Variants in GSDMD observed in about 807,000 individuals in gnomAD.
GSDMD encodes gasdermin-D.
GSDMD carries 46 observed loss-of-function variants against 46.7 expected under a neutral mutation model. That is an observed-to-expected ratio of 0.99 (90% CI 0.78 to 1.26). The LOEUF (loss-of-function observed/expected upper bound fraction) is 1.26, where lower values mean the gene tolerates loss of function less well. GSDMD is among the 50% of genes most tolerant of loss of function. The pLI is 0.00. For synonymous variants in GSDMD, 307 were observed against 283.1 expected (o/e 1.08, Z -0.85); for missense variants, 649 against 638.8 (o/e 1.02, Z -0.17).
In GSDMD at chr8:143,558,442, G is replaced by T; in HGVS notation, c.-14G>T. The T allele has an allele frequency of 1.3e-6, 2 of 1,502,772 alleles. No individual in the cohort carries two copies. The highest frequency in any genetic ancestry group is 1.8e-6 in the Non-Finnish European group (2 of 1,132,412). The allele number at this position is 1,502,772 out of a possible 1,614,324, so 93.1% of individuals were successfully genotyped here. ...CCAGACGCGCCACCCTCGGGGCGCC[G>T]ACGGTCACGGTGAGCTGCGCCCCGC... On this transcript the variant is annotated 5_prime_UTR_variant, in exon 1 of 11. Coordinates refer to ENST00000262580, the MANE Select transcript of GSDMD (RefSeq NM_024736.7).
intron 4 of GSDMD, 94 bp from the exon 5 acceptor site, chr8:143,560,908 A>G: frequency 9.0e-6 from 13 of 1,448,418 alleles, no homozygotes; most frequent in Non-Finnish European, 1.2e-5. Context: ...AGCCGAAGTC[A>G]CCTGGCGGCG....
Position 143,562,874 on chromosome 8 carries a change from G to C in GSDMD, c.1425G>C (p.Leu475=). 1 of 1,612,318 alleles carries C rather than the reference G, an allele frequency of 6.2e-7. No homozygotes were observed. The highest frequency in any genetic ancestry group is 1.1e-5 in the South Asian group (1 of 91,056). The change falls in exon 11 of 11, where the codon CTG becomes CTC. Residue 475 remains leucine (L), a synonymous_variant. Coordinates refer to ENST00000262580, the MANE Select transcript of GSDMD (RefSeq NM_024736.7). The part of the protein sequence containing the change: ...RMCALYASLA[L]LSGLSQEPH The stretch of plus-strand genomic sequence containing the variant: ...GTGCACTCTACGCCTCCCTGGCACT[G>C]CTATCAGGACTGAGCCAGGAGCCCC...
chr8:143,562,955 C>G lies in GSDMD; in HGVS notation c.*51C>G, dbSNP rs1586999744. 6.2e-7 allele frequency: 1 copy of G among 1,606,490 alleles called. No homozygotes were observed. Among genetic ancestry groups the G allele is most frequent in the East Asian group, 2.2e-5 (1 of 44,710 alleles). On this transcript the variant is annotated 3_prime_UTR_variant, in exon 11 of 11. Coordinates refer to ENST00000262580, the MANE Select transcript of GSDMD (RefSeq NM_024736.7). ...CTCTCCAGCAGGGCAGAGTGTTTGC[C>G]CACCAGCTGCTAGCCCTAGGAAGGC...
In GSDMD at chr8:143,559,727, G is replaced by C. The variant is rs182970160; in HGVS notation, c.218-50G>C. ...GGGCTGGGACAGGGCTGGTGGGGGCGGGGGAGAGGCGGGGCGCTGGGCACA... is the reference window on the plus strand; with the variant it reads ...GGGCTGGGACAGGGCTGGTGGGGGCCGGGGAGAGGCGGGGCGCTGGGCACA... On this transcript the variant is annotated intron_variant, in intron 2 of 10. Coordinates refer to ENST00000262580, the MANE Select transcript of GSDMD (RefSeq NM_024736.7). The C allele has an allele frequency of 1.3e-3, 2,001 of 1,538,864 alleles. 19 individuals carry two copies. The African/African-American group carries it at 0.024, about 18-fold the overall frequency.
chr8:143,561,952 C>A lies in GSDMD; in HGVS notation c.824-7C>A, dbSNP rs112854184. 230 of 1,607,858 alleles carry A rather than the reference C, an allele frequency of 1.4e-4. 2 individuals carry two copies. In the Middle Eastern group the frequency reaches 2.5e-3, roughly 17 times the overall value. ...CCTGGGCAGTGCCAGCCCTTCTGTCCCTACAGATGGGGTCCCTGCGGAGGG... is the reference window on the plus strand; with the variant it reads ...CCTGGGCAGTGCCAGCCCTTCTGTCACTACAGATGGGGTCCCTGCGGAGGG... On this transcript the variant is annotated splice_region_variant and splice_polypyrimidine_tract_variant and intron_variant, in intron 7 of 10. Coordinates refer to ENST00000262580, the MANE Select transcript of GSDMD (RefSeq NM_024736.7).
rs1287443213 is a variant in GSDMD, at chr8:143,562,143, AG to A, written c.996+15del. 1.3e-6 allele frequency: 2 copies of A among 1,597,820 alleles called. No individual in the cohort carries two copies. Among genetic ancestry groups the A allele is most frequent in the Non-Finnish European group, 1.7e-6 (2 of 1,179,178 alleles). Reference sequence around the variant, plus strand: ...CCTTGGAGGAGGCGGTGAGCGGGGGAGGGTGCCCGGGGCACACAAGGCCTGC... The same window carrying A: ...CCTTGGAGGAGGCGGTGAGCGGGGGAGGTGCCCGGGGCACACAAGGCCTGC... On this transcript the variant is annotated intron_variant, in intron 8 of 10. Transcript: ENST00000262580.
rs1420042165 is a variant in GSDMD, at chr8:143,562,773, C to G, written c.1324C>G (p.Leu442Val). ...CGAAGGAGCACCGGCCTGGGTCTTG[C>G]TGGACGAGTGTGGCCTAGAGCTGGG... ...WGEGAPAWVL[L>V]DECGLELGED... The change falls in exon 11 of 11, where the codon CTG becomes GTG. Residue 442 changes from leucine (L) to valine (V), a missense_variant. Coordinates refer to ENST00000262580, the MANE Select transcript of GSDMD (RefSeq NM_024736.7). 1 of 1,591,202 alleles carries G rather than the reference C, an allele frequency of 6.3e-7. No individual in the cohort carries two copies. The highest frequency in any genetic ancestry group is 1.3e-5 in the African/African-American group (1 of 74,288).
In GSDMD at chr8:143,559,417, C is replaced by A. The variant is rs145248129; in HGVS notation, c.82C>A (p.Leu28Met). 1 of 1,612,844 alleles carries A rather than the reference C, an allele frequency of 6.2e-7. No homozygotes were observed. The highest frequency in any genetic ancestry group is 1.3e-5 in the African/African-American group (1 of 74,942). ...HGGEFIPVTS[L>M]QSSTGFQPYC... ...TGGGGAGTTCATCCCTGTGACCAGC[C>A]TGCAGAGCTCCACTGGCTTCCAGCC... is the stretch of plus-strand genomic sequence containing the variant. Residue 28 changes from leucine (L) to methionine (M), a missense_variant, in exon 2 of 11, where the codon CTG (leucine) becomes ATG (methionine). Transcript: ENST00000262580.
Position 143,561,797 on chromosome 8 carries a change from C to T in GSDMD, c.792C>T (p.Ser264=), listed in dbSNP as rs371373414. 152 of 1,610,796 alleles carry T rather than the reference C, an allele frequency of 9.4e-5. No homozygotes were observed. In the Admixed American group the frequency reaches 2.5e-3, roughly 26 times the overall value. The part of the protein sequence containing the change: ...GAWPQLPSGL[S]MMRCLHNFLT... ...GGCCACAGCTGCCCTCTGGCCTCTCCATGATGAGGTGCCTCCACAACTTCC... is the reference window on the plus strand; with the variant it reads ...GGCCACAGCTGCCCTCTGGCCTCTCTATGATGAGGTGCCTCCACAACTTCC... Residue 264 remains serine (S), a synonymous_variant, in exon 7 of 11, where the codon TCC becomes TCT. Coordinates refer to ENST00000262580, the MANE Select transcript of GSDMD (RefSeq NM_024736.7).
At chr8:143,560,216 A>C in intron 3 of GSDMD, 1 of 693,548 alleles carries the variant, frequency 1.4e-6, no homozygotes, top group Non-Finnish European at 2.6e-6. Flanking sequence ...GGGCATCAGG[A>C]AAGTCCCAGA....
In GSDMD at chr8:143,561,441, C is replaced by G. The variant is rs1303856771; in HGVS notation, c.736+18C>G. Reference sequence around the variant, plus strand: ...CGCGACAGGTGAGAGCCGAGAGCCCCCAGCATGGGGTGTCCGGTGGGAAAA... The same window carrying G: ...CGCGACAGGTGAGAGCCGAGAGCCCGCAGCATGGGGTGTCCGGTGGGAAAA... On this transcript the variant is annotated intron_variant, in intron 6 of 10. Transcript: ENST00000262580. The G allele has an allele frequency of 6.2e-7, 1 of 1,608,418 alleles. No individual in the cohort carries two copies. Among genetic ancestry groups the G allele is most frequent in the South Asian group, 1.1e-5 (1 of 90,506 alleles).
intron 1 of GSDMD, 183 bp downstream of exon 1, chr8:143,558,634 C>T (rs1490276266): frequency 1.3e-5 from 8 of 625,036 alleles, no homozygotes; most frequent in East Asian, 9.7e-5. Context: ...CCCAGGGGCC[C>T]GGCCTTTGGA....
upstream of GSDMD, among the ~76,000 whole-genome samples, chr8:143,555,491 C>T (rs1351788186): frequency 6.6e-6 from 1 of 152,210 alleles, no homozygotes; most frequent in Non-Finnish European, 1.5e-5. Context: ...CTTGACCCCT[C>T]GGGAGTGGCT....
At chr8:143,560,848 G>C in intron 4 of GSDMD, 77 bp downstream of exon 4, 1 of 1,439,004 alleles carries the variant, frequency 6.9e-7, no homozygotes, top group Non-Finnish European at 9.2e-7. Flanking sequence ...GGCGGGCTGG[G>C]CTCCGCCAAG....
At chr8:143,559,280 T>TACCAAA in intron 1 of GSDMD, 52 bp from the exon 2 acceptor site, 1 of 579,430 alleles carries the variant, frequency 1.7e-6, no homozygotes, top group Non-Finnish European at 3.2e-6. Context: ...CTTCTCCCAC[T>TACCAAA]CCCTCCCGCC....
intron 1 of GSDMD, chr8:143,558,928 C>G (rs1563904292): frequency 1.9e-6 from 1 of 540,062 alleles, no homozygotes; most frequent in Non-Finnish European, 3.5e-6. Flanking sequence ...GGGCGACACT[C>G]TGGCTGGGTT....
upstream of GSDMD, chr8:143,556,038 C>G (rs1823291558): frequency 6.6e-6 from 1 of 152,228 alleles, no homozygotes; most frequent in Admixed American, 6.5e-5. Context: ...ATGGTAAAAC[C>G]CTGTCTCTAC....
At chr8:143,560,896 G>A (rs1303204564) in intron 4 of GSDMD, 106 bp from the exon 5 acceptor site, 14 of 1,433,576 alleles carry the variant, frequency 9.8e-6, no homozygotes, top group African/African-American at 5.8e-5. Flanking sequence ...GCTTGGCTGC[G>A]GAGCCGAAGT....
chr8:143,558,282 G>GGGCC (rs1403918717), upstream of GSDMD: 1 of 1,480,184 alleles, frequency 6.8e-7, no homozygotes, highest in Non-Finnish European at 8.9e-7. Flanking sequence ...GGCAGGAAGG[G>GGGCC]GGCCGGGGCG....
Sources: gnomAD v4.1 joint callset for allele counts (sites outside exome capture counted in the v4.1 genomes callset) on GRCh38, gnomAD v4.1.1 for gene constraint, MANE v1.5 for transcripts, NCBI Gene and HGNC (gene_info 2026-07-23, HGNC 2026-07-21) for gene names.